Variants in ADGRL3 observed in about 807,000 individuals in gnomAD.
ADGRL3 encodes adhesion G protein-coupled receptor L3.
In ADGRL3, 62 loss-of-function variants were observed where a neutral mutation model predicts 153.5. The observed-to-expected ratio is 0.40, with a 90% CI of 0.33 to 0.50. The LOEUF is 0.50. Ranked by LOEUF, ADGRL3 falls within the 20% of genes least tolerant of loss-of-function variation. The pLI is 0.47. For synonymous variants in ADGRL3, 710 were observed against 672.5 expected (o/e 1.06, Z -0.86); for missense variants, 1,641 against 1,859.4 (o/e 0.88, Z 2.16).
intron 1 of ADGRL3, among the ~76,000 whole-genome samples, chr4:61,372,522 C>T (rs1470272440): frequency 6.6e-6 from 1 of 152,158 alleles, no homozygotes; most frequent in Non-Finnish European, 1.5e-5. Flanking sequence ...GCTCATGGTG[C>T]CTACCAGTTA....
At chr4:61,683,504 G>T (rs2151011402) in intron 6 of ADGRL3, among the ~76,000 whole-genome samples, 1 of 152,246 alleles carries the variant, frequency 6.6e-6, no homozygotes, top group Admixed American at 6.5e-5. Context: ...CCGTGTGTCT[G>T]GGTCTGGGGT....
intron 21 of ADGRL3, among the ~76,000 whole-genome samples, chr4:62,010,768 A>T: frequency 6.6e-6 from 1 of 152,112 alleles, no homozygotes; most frequent in Non-Finnish European, 1.5e-5. Context: ...ACTCACTCTA[A>T]TATTTAGAAT....
intron 1 of ADGRL3, among the ~76,000 whole-genome samples, chr4:61,296,212 T>A (rs2094406843): frequency 6.6e-6 from 1 of 152,164 alleles, no homozygotes; most frequent in Admixed American, 6.6e-5. Flanking sequence ...TCTGTTGCTG[T>A]GTCAAATTAT....
chr4:61,238,543 T>A (rs540737908), intron 1 of ADGRL3, among the ~76,000 whole-genome samples: 7 of 151,682 alleles, frequency 4.6e-5, no homozygotes, highest in Middle Eastern at 3.4e-3. Context: ...ACAGCAGTAA[T>A]ACCCACTGTA....
In ADGRL3 at chr4:62,070,447, G is replaced by A; in HGVS notation, c.4171G>A (p.Gly1391Ser). ...CTCGTTTAACCACGAGGAGAGTTTG[G>A]GCCTGGAACTCATTCATGAGGAATC... ...ATSFNHEESL[G>S]LELIHEESDA... The change falls in exon 27 of 27, where the codon GGC becomes AGC. Residue 1391 changes from glycine to serine, a missense_variant. This residue lies in a region of ADGRL3 where 517 missense variants were observed against 555.0 expected (regional missense o/e 0.93). Transcript: ENST00000683033. The A allele has an allele frequency of 7.1e-6, 11 of 1,551,356 alleles. No homozygotes were observed. The highest frequency in any genetic ancestry group is 9.6e-6 in the Non-Finnish European group (11 of 1,146,940).
intron 8 of ADGRL3, among the ~76,000 whole-genome samples, chr4:61,739,721 C>T (rs1373760728): frequency 1.3e-5 from 2 of 152,162 alleles, no homozygotes; most frequent in Non-Finnish European, 2.9e-5. Context: ...AGTCACTCCC[C>T]CCACCCTGTA....
intron 13 of ADGRL3, among the ~76,000 whole-genome samples, chr4:61,927,887 A>G (rs1344387388): frequency 6.6e-6 from 1 of 151,912 alleles, no homozygotes; most frequent in Non-Finnish European, 1.5e-5. Flanking sequence ...AATGGATACT[A>G]TTTTCATCTG....
In ADGRL3 at chr4:61,705,730, C is replaced by T. The variant is rs563377559; in HGVS notation, c.584-24892C>T. On this transcript the variant is annotated intron_variant, in intron 6 of 26. Coordinates refer to ENST00000683033, the MANE Select transcript of ADGRL3 (RefSeq NM_001387552.1). The stretch of plus-strand genomic sequence containing the variant: ...TCCAGGCTGGTCTCAAACTTCTCAG[C>T]TTAGGCAATCCGCGCTCCCTCCTTG... Among the ~76,000 whole-genome samples the T allele has an allele frequency of 2.6e-5, 4 of 152,186 alleles. No individual in the cohort carries two copies. In the South Asian group the frequency reaches 8.3e-4, roughly 32 times the overall value.
chr4:61,857,229 G>C, intron 9 of ADGRL3, among the ~76,000 whole-genome samples: 1 of 151,740 alleles, frequency 6.6e-6, no homozygotes. Context: ...ACTGTGTCTG[G>C]CCCCTGCTAA....
At chr4:61,736,091 G>T (rs1204945791) in intron 8 of ADGRL3, among the ~76,000 whole-genome samples, 1 of 151,720 alleles carries the variant, frequency 6.6e-6, no homozygotes, top group Non-Finnish European at 1.5e-5. Context: ...AGTCATATGT[G>T]TATTAGTATA....
intron 21 of ADGRL3, among the ~76,000 whole-genome samples, chr4:62,006,024 ATATATATATT>A (rs2099157474): frequency 2.0e-5 from 2 of 102,450 alleles, no homozygotes; most frequent in African/African-American, 7.1e-5. Context: ...ATATATATAT[ATATATATATT>A]TTTTTTTTTT....
intron 5 of ADGRL3, among the ~76,000 whole-genome samples, chr4:61,613,274 A>G (rs1162072015): frequency 6.6e-6 from 1 of 152,122 alleles, no homozygotes; most frequent in East Asian, 1.9e-4. Context: ...GATTTAAATG[A>G]GAGTATAATT....
rs562715831 is a variant in ADGRL3, at chr4:61,582,665, A to G, written c.260-4562A>G. On this transcript the variant is annotated intron_variant, in intron 4 of 26. Transcript: ENST00000683033. Reference sequence around the variant, plus strand: ...ATGAAAAAAAAAAACAGATTTGACTAGGACATTGAAGACTTGGCCCAGGGA... The same window carrying G: ...ATGAAAAAAAAAAACAGATTTGACTGGGACATTGAAGACTTGGCCCAGGGA... Among the ~76,000 whole-genome samples the G allele has an allele frequency of 1.0e-3, 155 of 151,906 alleles. 1 individual carries two copies. The highest frequency in any genetic ancestry group is 2.1e-3 in the South Asian group (10 of 4,826).
Position 61,733,461 on chromosome 4 carries a change from G to A in ADGRL3, c.1306G>A (p.Asp436Asn). 6.2e-7 allele frequency: 1 copy of A among 1,613,634 alleles called. No homozygotes were observed. The highest frequency in any genetic ancestry group is 8.5e-7 in the Non-Finnish European group (1 of 1,179,736). Residue 436 changes from aspartate to asparagine, a missense_variant, in exon 8 of 27, where the codon GAT becomes AAT. This residue lies in a region of ADGRL3 where 734 missense variants were observed against 797.0 expected (regional missense o/e 0.92). Transcript: ENST00000683033. ...PNSYQYIAAV[D>N]YNPRDNLLYV... ...TTCATACCAGTACATTGCAGCTGTG[G>A]ATTACAACCCCAGGGACAACCTACT...
intron 13 of ADGRL3, among the ~76,000 whole-genome samples, chr4:61,924,661 G>A (rs2098786732): frequency 6.6e-6 from 1 of 152,092 alleles, no homozygotes; most frequent in Admixed American, 6.6e-5. Context: ...TTAAGGTTTT[G>A]GACCATGCAA....
chr4:61,536,328 A>C (rs1217891448), intron 4 of ADGRL3, among the ~76,000 whole-genome samples: 2 of 152,092 alleles, frequency 1.3e-5, no homozygotes, highest in African/African-American at 4.8e-5. Context: ...AGAATCTTCC[A>C]TGTGCAGATG....
At chr4:61,989,477 C>A (rs1309946326) in intron 19 of ADGRL3, among the ~76,000 whole-genome samples, 1 of 151,912 alleles carries the variant, frequency 6.6e-6, no homozygotes, top group African/African-American at 2.4e-5. Context: ...TTCAATATGT[C>A]TACAGGGAGT....
intron 2 of ADGRL3, among the ~76,000 whole-genome samples, chr4:61,402,735 C>T (rs2096945082): frequency 6.6e-6 from 1 of 152,006 alleles, no homozygotes; most frequent in South Asian, 2.1e-4. Flanking sequence ...GAAAGGCTGG[C>T]AACTGCCAGA....
intron 8 of ADGRL3, among the ~76,000 whole-genome samples, chr4:61,760,594 C>T (rs1006243642): frequency 6.6e-6 from 1 of 152,208 alleles, no homozygotes; most frequent in African/African-American, 2.4e-5. Context: ...TTCCCTGACC[C>T]TTGCACTTCC....
Sources: gnomAD v4.1 joint callset for allele counts (sites outside exome capture counted in the v4.1 genomes callset) on GRCh38, gnomAD v4.1.1 for gene constraint, gnomAD v4.1.1 regional missense constraint, MANE v1.5 for transcripts, NCBI Gene and HGNC (gene_info 2026-07-23, HGNC 2026-07-21) for gene names.